Variants in OTUD7B observed in about 807,000 individuals in gnomAD.
The protein encoded by OTUD7B is OTU deubiquitinase 7B.
Under a neutral mutation model 82.2 loss-of-function variants are expected in OTUD7B, and 34 were observed. The ratio of observed to expected loss-of-function variants is 0.41; its 90% CI spans 0.31 to 0.55. The LOEUF is 0.55. Among genes scored for constraint, OTUD7B ranks in the 20% least tolerant of loss-of-function variants. The pLI, the probability that OTUD7B is intolerant of heterozygous loss-of-function variation, is 0.20. For synonymous variants in OTUD7B, 398 were observed against 402.7 expected (o/e 0.99, Z 0.14); for missense variants, 944 against 1,062.1 (o/e 0.89, Z 1.55).
In OTUD7B at chr1:149,943,784, A is replaced by C. The variant is rs76406948; in HGVS notation, c.*73T>G. On this transcript the variant is annotated 3_prime_UTR_variant, in exon 12 of 12. Coordinates refer to ENST00000581312, the MANE Select transcript of OTUD7B (RefSeq NM_020205.4). The stretch of plus-strand genomic sequence containing the variant: ...CTGCATTTTCCCCCTCAACATGGGG[A>C]CTGTGTTCTTGATGAGCCAATTAGT... 1,836 of 1,421,762 alleles carry C rather than the reference A, an allele frequency of 1.3e-3. 16 individuals are homozygous for C. The African/African-American group carries it at 0.023, about 18-fold the overall frequency. The allele number at this position is 1,421,762 out of a possible 1,614,324, so 88.1% of individuals were successfully genotyped here.
At chr1:149,948,932 C>T in intron 10 of OTUD7B, 37 bp downstream of exon 10, 2 of 1,355,132 alleles carry the variant, frequency 1.5e-6, no homozygotes, top group Non-Finnish European at 2.1e-6. Flanking sequence ...GAAGAAATCC[C>T]AGCACAAAAT....
At chr1:150,057,312 G>C in the OTUD7B span, among the ~76,000 whole-genome samples, 1 of 152,132 alleles carries the variant, frequency 6.6e-6, no homozygotes, top group East Asian at 1.9e-4. Flanking sequence ...AATATTGAAG[G>C]AAGTTTGGTA....
intron 7 of OTUD7B, among the ~76,000 whole-genome samples, chr1:149,959,054 T>C (rs1347725426): frequency 6.6e-6 from 1 of 151,898 alleles, no homozygotes; most frequent in Non-Finnish European, 1.5e-5. Flanking sequence ...AAACCCCGTC[T>C]CTAATAAAAA....
At position 149,944,156 on chromosome 1, in the gene OTUD7B, T is replaced by C; in HGVS notation, c.2233A>G (p.Ser745Gly). 1 of 1,614,026 alleles carries C rather than the reference T, an allele frequency of 6.2e-7. No individual in the cohort carries two copies. Among genetic ancestry groups the C allele is most frequent in the Non-Finnish European group, 8.5e-7 (1 of 1,179,930 alleles). The change falls in exon 12 of 12, where the codon AGC becomes GGC. Residue 745 changes from serine (S) to glycine (G), a missense_variant. By Grantham distance (56) the Ser-to-Gly change is moderately conservative. Around this residue, in one of 3 missense-constraint regions of OTUD7B, gnomAD observed 412 missense variants for 418.7 expected, o/e 0.98. Coordinates refer to ENST00000581312, the MANE Select transcript of OTUD7B (RefSeq NM_020205.4). ...CTGCCTGGCTCCAGAGAAGGGATGC[T>C]GTCCTGGTGGGGGTAGGGTCGCCCA... ...PPGRPYPHQD[S>G]IPSLEPGSHS...
intron 1 of OTUD7B, among the ~76,000 whole-genome samples, chr1:149,991,476 A>G (rs1346118820): frequency 6.6e-6 from 1 of 152,222 alleles, no homozygotes; most frequent in African/African-American, 2.4e-5. Context: ...TTATATAATT[A>G]ATATTTCACA....
intron 11 of OTUD7B, among the ~76,000 whole-genome samples, chr1:149,945,334 C>G (rs1234273143): frequency 6.6e-6 from 1 of 152,112 alleles, no homozygotes; most frequent in Non-Finnish European, 1.5e-5. Flanking sequence ...AGTCAGTCAG[C>G]TTTCTCCCCC....
chr1:149,997,091 G>A lies in OTUD7B; in HGVS notation c.-67+13357C>T, dbSNP rs77563315. ...CCGAGAATATTTAGTCTTGGCAGACGAAATTAAATAACAGTGCCAGTCCCT... is the reference window on the plus strand; with the variant it reads ...CCGAGAATATTTAGTCTTGGCAGACAAAATTAAATAACAGTGCCAGTCCCT... On this transcript the variant is annotated intron_variant, in intron 1 of 11. Transcript: ENST00000581312. 2.7e-3 allele frequency among the ~76,000 whole-genome samples: 411 copies of A among 152,262 alleles called. 3 individuals carry two copies. Among genetic ancestry groups the A allele is most frequent in the Non-Finnish European group, 4.9e-3 (335 of 68,014 alleles).
chr1:150,036,686 T>C, the OTUD7B span, among the ~76,000 whole-genome samples: 1 of 152,186 alleles, frequency 6.6e-6, no homozygotes, highest in Non-Finnish European at 1.5e-5. Flanking sequence ...AAAATTTGTT[T>C]TAATAGAATG....
chr1:150,009,831 C>T (rs587630009), intron 1 of OTUD7B, among the ~76,000 whole-genome samples: 11 of 152,090 alleles, frequency 7.2e-5, no homozygotes, highest in Non-Finnish European at 1.3e-4. Context: ...CAGCCCCCGG[C>T]TTACTCATCA....
chr1:149,948,934 G>A (rs1553772701), intron 10 of OTUD7B, 35 bp downstream of exon 10: 2 of 1,372,446 alleles, frequency 1.5e-6, no homozygotes, highest in Non-Finnish European at 1.0e-6. Context: ...AGAAATCCCA[G>A]CACAAAATAG....
At position 149,942,390 on chromosome 1, in the gene OTUD7B, G is replaced by A. The variant is rs1367607052; in HGVS notation, c.*1467C>T. ...GTTTAAAGCTCTTAGAAATGGCTCT[G>A]GCCAGAGCATAGGCTGTTCAGACTT... is the stretch of plus-strand genomic sequence containing the variant. On this transcript the variant is annotated 3_prime_UTR_variant, in exon 12 of 12. Transcript: ENST00000581312. The A allele has an allele frequency of 1.3e-5, 2 of 152,538 alleles. No individual in the cohort carries two copies. Among genetic ancestry groups the A allele is most frequent in the Admixed American group, 1.3e-4 (2 of 15,266 alleles). 9.4% of individuals were successfully genotyped at this position (152,538 alleles called of 1,614,324 possible).
At chr1:149,994,966 A>G (rs587667335) in intron 1 of OTUD7B, among the ~76,000 whole-genome samples, 18 of 152,328 alleles carry the variant, frequency 1.2e-4, no homozygotes, top group African/African-American at 3.4e-4. Context: ...CTCAGCAAGA[A>G]TTTGACACTA....
chr1:150,032,465 GAAAA>G, the OTUD7B span, among the ~76,000 whole-genome samples: 22 of 85,742 alleles, frequency 2.6e-4, no homozygotes, highest in South Asian at 4.9e-4. Context: ...CCTGTCTACA[GAAAA>G]AAAAAAAAAA....
At chr1:150,000,894 G>A (rs978436776) in intron 1 of OTUD7B, among the ~76,000 whole-genome samples, 3 of 151,794 alleles carry the variant, frequency 2.0e-5, no homozygotes, top group East Asian at 1.9e-4. Flanking sequence ...CAAGAGAATC[G>A]CTTGAACCCG....
At position 149,944,329 on chromosome 1, in the gene OTUD7B, G is replaced by T; in HGVS notation, c.2060C>A (p.Ala687Glu). Residue 687 changes from alanine to glutamate, a missense_variant, in exon 12 of 12, where the codon GCA becomes GAA. Physicochemically the swap from Ala to Glu is moderately radical, Grantham distance 107. This residue lies in a region of OTUD7B where 412 missense variants were observed against 418.7 expected (regional missense o/e 0.98). Transcript: ENST00000581312. ...GTCCCCAGGGTAGCCAGTGGAAAATGCCATTGCCCTGGACTCTGCTGGGGG... is the reference window on the plus strand; with the variant it reads ...GTCCCCAGGGTAGCCAGTGGAAAATTCCATTGCCCTGGACTCTGCTGGGGG... ...TGPPAESRAM[A>E]FSTGYPGDFT... 6.2e-7 allele frequency: 1 copy of T among 1,611,700 alleles called. No individual in the cohort carries two copies.
intron 9 of OTUD7B, 49 bp downstream of exon 9, chr1:149,949,580 A>G (rs781923914): frequency 5.7e-6 from 9 of 1,588,810 alleles, no homozygotes; most frequent in South Asian, 1.1e-5. Context: ...ATCTCATTCA[A>G]TTTTTTCAAG....
intron 4 of OTUD7B, among the ~76,000 whole-genome samples, chr1:149,966,621 A>G (rs1467194439): frequency 1.3e-5 from 2 of 152,204 alleles, no homozygotes; most frequent in Non-Finnish European, 1.5e-5. Context: ...TGAGTGATGC[A>G]TAAGTTTTCT....
chr1:149,964,263 T>C lies in OTUD7B; in HGVS notation c.691A>G (p.Lys231Glu). ...GTCTGCTGCCACCTCCAGCGCCTTT[T>C]CAACGCTTCCTTCTCAACTCCCTTC... Reference protein sequence around the residue: ...MEKGVEKEALKRRWRWQQTQQ... With the variant: ...MEKGVEKEALERRWRWQQTQQ... The change falls in exon 6 of 12, where the codon AAA becomes GAA. Residue 231 changes from lysine to glutamate, a missense_variant. Coordinates refer to ENST00000581312, the MANE Select transcript of OTUD7B (RefSeq NM_020205.4). 1 of 1,614,004 alleles carries C rather than the reference T, an allele frequency of 6.2e-7. No individual in the cohort carries two copies. Among genetic ancestry groups the C allele is most frequent in the African/African-American group, 1.3e-5 (1 of 75,040 alleles).
At chr1:149,995,955 T>C (rs2101913210) in intron 1 of OTUD7B, among the ~76,000 whole-genome samples, 1 of 152,328 alleles carries the variant, frequency 6.6e-6, no homozygotes, top group Admixed American at 6.5e-5. Context: ...TCTAGTCCTC[T>C]GAATACAGAA....
Sources: allele counts gnomAD v4.1 joint callset (sites outside exome capture counted in the v4.1 genomes callset), GRCh38; gene constraint gnomAD v4.1.1; regional missense constraint gnomAD v4.1.1; transcripts MANE v1.5; gene names NCBI Gene and HGNC (gene_info 2026-07-23, HGNC 2026-07-21).